Variants in PVT1 observed in about 807,000 individuals in gnomAD.
PVT1 encodes the protein Pvt1 oncogene.
chr8:127,891,499 A>G (rs1213431773), intron 3 of PVT1, among the ~76,000 whole-genome samples: 1 of 151,948 alleles, frequency 6.6e-6, no homozygotes, highest in Non-Finnish European at 1.5e-5. Context: ...CCTGGGTATG[A>G]CTCTTTAACA....
chr8:128,036,346 C>T (rs537352349), intron 4 of PVT1, among the ~76,000 whole-genome samples: 1 of 152,226 alleles, frequency 6.6e-6, no homozygotes, highest in South Asian at 2.1e-4. Flanking sequence ...CAGTATGTAC[C>T]CCAGCACCTT....
chr8:128,076,091 T>C (rs531060743), intron 5 of PVT1, among the ~76,000 whole-genome samples: 38 of 152,320 alleles, frequency 2.5e-4, no homozygotes, highest in African/African-American at 9.1e-4. Flanking sequence ...CAGGGTTGGA[T>C]AGTGAGTGAT....
intron 3 of PVT1, among the ~76,000 whole-genome samples, chr8:127,934,943 T>C (rs1320578495): frequency 6.6e-6 from 1 of 152,130 alleles, no homozygotes; most frequent in Admixed American, 6.5e-5. Flanking sequence ...ACCTGGGTGC[T>C]CTGTTATCCA....
intron 4 of PVT1, among the ~76,000 whole-genome samples, chr8:128,032,768 G>A (rs1194954800): frequency 6.6e-6 from 1 of 152,178 alleles, no homozygotes; most frequent in African/African-American, 2.4e-5. Flanking sequence ...TCTGCCCTCT[G>A]TGTCTTTCGT....
intron 3 of PVT1, among the ~76,000 whole-genome samples, chr8:127,949,919 G>A (rs544788197): frequency 1.3e-5 from 2 of 152,358 alleles, no homozygotes; most frequent in African/African-American, 2.4e-5. Context: ...ATTCTGACTC[G>A]CTGTGCCTTA....
chr8:127,908,674 C>T (rs951726288), intron 3 of PVT1, among the ~76,000 whole-genome samples: 9 of 152,272 alleles, frequency 5.9e-5, no homozygotes, highest in East Asian at 1.9e-4. Context: ...ATGGGACTCC[C>T]GGCTAAACAC....
At chr8:128,022,605 C>A (rs1032994420) in intron 4 of PVT1, among the ~76,000 whole-genome samples, 1 of 152,200 alleles carries the variant, frequency 6.6e-6, no homozygotes, top group African/African-American at 2.4e-5. Context: ...GCTGCCTCTC[C>A]TTTGTACCCA....
intron 3 of PVT1, among the ~76,000 whole-genome samples, chr8:127,965,437 T>C (rs1199898140): frequency 6.6e-6 from 1 of 152,178 alleles, no homozygotes; most frequent in Non-Finnish European, 1.5e-5. Flanking sequence ...TTATGATTGG[T>C]TTCTCAGGCA....
intron 3 of PVT1, among the ~76,000 whole-genome samples, chr8:127,954,674 G>T (rs559017798): frequency 1.3e-5 from 2 of 152,176 alleles, no homozygotes; most frequent in South Asian, 2.1e-4. Flanking sequence ...CCTTGAGCAG[G>T]TGAACAAACT....
intron 3 of PVT1, among the ~76,000 whole-genome samples, chr8:127,963,559 G>T (rs947374874): frequency 1.3e-5 from 2 of 152,130 alleles, no homozygotes; most frequent in Non-Finnish European, 2.9e-5. Flanking sequence ...CCATAGAAAG[G>T]CAGCACCCCC....
At chr8:127,846,344 T>G (rs2129724811) in intron 2 of PVT1, among the ~76,000 whole-genome samples, 1 of 152,294 alleles carries the variant, frequency 6.6e-6, no homozygotes, top group South Asian at 2.1e-4. Context: ...ATTACCTGTG[T>G]GGGGCACCTT....
At chr8:127,895,939 G>A (rs927718707) in intron 3 of PVT1, among the ~76,000 whole-genome samples, 10 of 152,122 alleles carry the variant, frequency 6.6e-5, no homozygotes, top group Admixed American at 3.3e-4. Context: ...TTATTTACAA[G>A]AACTGGCAAT....
chr8:128,048,260 G>GTGAA (rs1813644169), intron 4 of PVT1, among the ~76,000 whole-genome samples: 2 of 152,206 alleles, frequency 1.3e-5, no homozygotes, highest in Admixed American at 6.5e-5. Context: ...ACTAATATTT[G>GTGAA]TGAATGAATG....
At chr8:128,057,022 G>A (rs1813770236) in intron 4 of PVT1, among the ~76,000 whole-genome samples, 1 of 152,118 alleles carries the variant, frequency 6.6e-6, no homozygotes, top group Admixed American at 6.5e-5. Flanking sequence ...CCGCATCATT[G>A]AGAAAGACAG....
chr8:127,896,233 G>A (rs966344442), intron 3 of PVT1, among the ~76,000 whole-genome samples: 10 of 152,060 alleles, frequency 6.6e-5, no homozygotes, highest in African/African-American at 1.9e-4. Context: ...ATGGTAAAAC[G>A]TAAAGGCATG....
intron 4 of PVT1, among the ~76,000 whole-genome samples, chr8:128,055,574 C>T (rs1291012971): frequency 6.6e-6 from 1 of 152,212 alleles, no homozygotes; most frequent in Non-Finnish European, 1.5e-5. Flanking sequence ...CTATTTGCTG[C>T]ACATGAAACC....
chr8:127,920,018 T>A (rs1198781000), intron 3 of PVT1, among the ~76,000 whole-genome samples: 1 of 152,160 alleles, frequency 6.6e-6, no homozygotes, highest in Non-Finnish European at 1.5e-5. Flanking sequence ...CCCCAGCCTC[T>A]CCTCTTGTCC....
At chr8:127,820,568 A>G (rs10099198) in intron 2 of PVT1, among the ~76,000 whole-genome samples, 18,497 of 152,100 alleles carry the variant, frequency 0.12, 3,264 homozygotes, top group African/African-American at 0.39. Context: ...CACATTTCCT[A>G]GGGTGCTTGG....
At chr8:128,087,561 G>GA (rs1814274232) in intron 5 of PVT1, among the ~76,000 whole-genome samples, 1 of 151,918 alleles carries the variant, frequency 6.6e-6, no homozygotes, top group Admixed American at 6.6e-5. Context: ...TCCCATTATT[G>GA]GCCTTGAAAA....
Sources: gnomAD v4.1 joint callset for allele counts (sites outside exome capture counted in the v4.1 genomes callset) on GRCh38, gnomAD v4.1.1 for gene constraint, MANE v1.5 for transcripts, NCBI Gene and HGNC (gene_info 2026-07-23, HGNC 2026-07-21) for gene names.